The following PARD3 variants were observed in gnomAD, a reference collection of about 807,000 sequenced individuals.
PARD3 encodes the protein par-3 family cell polarity regulator.
Under a neutral mutation model 155.4 loss-of-function variants are expected in PARD3, and 75 were observed. The observed-to-expected ratio is 0.48, with a 90% CI of 0.40 to 0.58. The LOEUF is 0.58. PARD3 is among the 20% of genes least tolerant of loss of function. The pLI is 0.00. For missense variants in PARD3, 1,642 were observed against 1,721.7 expected, an observed-to-expected ratio of 0.95 and a Z score of 0.82; for synonymous variants, 576 against 610.5, an observed-to-expected ratio of 0.94 and a Z score of 0.83.
At chr10:34,135,211 T>C (rs1300702819) in intron 22 of PARD3, among the ~76,000 whole-genome samples, 2 of 152,212 alleles carry the variant, frequency 1.3e-5, no homozygotes, top group Admixed American at 6.5e-5. Flanking sequence ...ATACTTTCTG[T>C]ATAAAACATC....
chr10:34,458,743 TG>T (rs1402755121), intron 4 of PARD3, among the ~76,000 whole-genome samples: 1 of 152,162 alleles, frequency 6.6e-6, no homozygotes, highest in African/African-American at 2.4e-5. Flanking sequence ...ACAAAAATGT[TG>T]TCCACTCTTA....
intron 5 of PARD3, among the ~76,000 whole-genome samples, chr10:34,437,166 C>G (rs1394326832): frequency 6.6e-6 from 1 of 152,060 alleles, no homozygotes; most frequent in Non-Finnish European, 1.5e-5. Context: ...AATCCTGTGT[C>G]TCATACAGAA....
intron 1 of PARD3, among the ~76,000 whole-genome samples, chr10:34,772,589 C>T (rs955670363): frequency 2.0e-5 from 3 of 151,404 alleles, no homozygotes; most frequent in African/African-American, 7.3e-5. Context: ...CTCAGGAGTT[C>T]GAGACCAGCC....
At chr10:34,449,047 T>C (rs1435843856) in intron 5 of PARD3, among the ~76,000 whole-genome samples, 1 of 150,298 alleles carries the variant, frequency 6.7e-6, no homozygotes, top group African/African-American at 2.5e-5. Flanking sequence ...GCCTCCCCAG[T>C]AGCTGGAACT....
intron 23 of PARD3, among the ~76,000 whole-genome samples, chr10:34,127,043 A>G (rs1057455635): frequency 3.9e-5 from 6 of 152,206 alleles, no homozygotes; most frequent in Non-Finnish European, 5.9e-5. Flanking sequence ...AGATTTTTTC[A>G]AACATTTTCC....
chr10:34,756,150 CTTTTTTTT>C (rs58993670), intron 1 of PARD3, among the ~76,000 whole-genome samples: 1 of 94,544 alleles, frequency 1.1e-5, no homozygotes, highest in Admixed American at 1.5e-4. Context: ...AAAAATGCAC[CTTTTTTTT>C]TTTTTTTTTT....
intron 22 of PARD3, among the ~76,000 whole-genome samples, chr10:34,197,624 C>T (rs1391621087): frequency 6.6e-6 from 1 of 152,210 alleles, no homozygotes; most frequent in Non-Finnish European, 1.5e-5. Flanking sequence ...ATTCAGGCCT[C>T]CAGGTTACCT....
At chr10:34,301,201 A>C (rs1235928180) in intron 20 of PARD3, among the ~76,000 whole-genome samples, 1 of 152,156 alleles carries the variant, frequency 6.6e-6, no homozygotes, top group Non-Finnish European at 1.5e-5. Context: ...CACCTGCATC[A>C]TATAGAAATA....
At chr10:34,642,013 G>A (rs1296415871) in intron 2 of PARD3, among the ~76,000 whole-genome samples, 1 of 152,114 alleles carries the variant, frequency 6.6e-6, no homozygotes, top group Non-Finnish European at 1.5e-5. Flanking sequence ...CCGAGGGGTA[G>A]CACTGGGACA....
intron 2 of PARD3, among the ~76,000 whole-genome samples, chr10:34,558,646 G>T (rs924115874): frequency 6.6e-6 from 1 of 152,090 alleles, no homozygotes; most frequent in Non-Finnish European, 1.5e-5. Flanking sequence ...AATGCACACT[G>T]CCGGCCTGGT....
chr10:34,777,480 T>C (rs1276867909), intron 1 of PARD3, among the ~76,000 whole-genome samples: 1 of 152,210 alleles, frequency 6.6e-6, no homozygotes, highest in Non-Finnish European at 1.5e-5. Context: ...AGGGGGCTCT[T>C]AGAGGGCATC....
rs114109948 is a variant in PARD3, at chr10:34,324,298, C to T, written c.2833+6819G>A. Among the ~76,000 whole-genome samples, 652 of 152,166 alleles carry T rather than the reference C, an allele frequency of 4.3e-3. 7 individuals carry two copies. The highest frequency in any genetic ancestry group is 0.015 in the African/African-American group (615 of 41,518). On this transcript the variant is annotated intron_variant, in intron 19 of 24. Transcript: ENST00000374788. ...GAAACATAATCTATATTGAGTGATC[C>T]GCAAAAATTTCCTGATGTTAAAAAA... is the stretch of plus-strand genomic sequence containing the variant.
At chr10:34,142,564 A>G (rs1407533226) in intron 22 of PARD3, among the ~76,000 whole-genome samples, 3 of 148,470 alleles carry the variant, frequency 2.0e-5, no homozygotes, top group African/African-American at 4.9e-5. Flanking sequence ...GAAAAGAAAC[A>G]AGGGAAAGGA....
chr10:34,318,558 A>G (rs1221271429), intron 19 of PARD3, among the ~76,000 whole-genome samples: 4 of 152,160 alleles, frequency 2.6e-5, no homozygotes, highest in African/African-American at 9.7e-5. Flanking sequence ...AGCAAGGAGC[A>G]CTTTCAATAG....
At position 34,269,735 on chromosome 10, in the gene PARD3, G is replaced by T. The variant is rs1357640818; in HGVS notation, c.3341C>A (p.Pro1114Gln). 2.5e-6 allele frequency: 4 copies of T among 1,613,936 alleles called. No individual in the cohort carries two copies. The highest frequency in any genetic ancestry group is 3.4e-6 in the Non-Finnish European group (4 of 1,179,930). The change falls in exon 22 of 25, where the codon CCA (proline) becomes CAA (glutamine). Residue 1114 changes from proline (P) to glutamine (Q), a missense_variant. By Grantham distance (76) the Pro-to-Gln change is moderately conservative. Transcript: ENST00000374788. ...AGCATCCATCATATGCCCTTCTCGTGGGCTCTGAGGTCTAGCGTTGAGAGC... is the reference window on the plus strand; with the variant it reads ...AGCATCCATCATATGCCCTTCTCGTTGGCTCTGAGGTCTAGCGTTGAGAGC... ...SMALNARPQS[P>Q]REGHMMDALY...
At chr10:34,382,983 G>A (rs1480172911) in intron 8 of PARD3, 61 bp from the exon 9 acceptor site, 2 of 1,556,832 alleles carry the variant, frequency 1.3e-6, no homozygotes, top group East Asian at 2.2e-5. Flanking sequence ...AAGATATTAT[G>A]AGCTTAATTA....
In PARD3 at chr10:34,131,116, A is replaced by C. The variant is rs74674702; in HGVS notation, c.3540+347T>G. ...TTGTACATTACAGGCACAATGGAGA[A>C]GTGCTGAACAAATTAATTTTGGCTC... On this transcript the variant is annotated intron_variant, in intron 23 of 24. Transcript: ENST00000374788. 1.6e-4 allele frequency among the ~76,000 whole-genome samples: 24 copies of C among 152,364 alleles called. No individual in the cohort carries two copies. In the East Asian group the frequency reaches 4.4e-3, roughly 28 times the overall value.
intron 4 of PARD3, among the ~76,000 whole-genome samples, chr10:34,459,292 G>A (rs1325486060): frequency 6.6e-6 from 1 of 152,040 alleles, no homozygotes; most frequent in Non-Finnish European, 1.5e-5. Flanking sequence ...TCAGCCTCCA[G>A]CACAGCTGGG....
At chr10:34,811,274 C>G (rs1405434632) in intron 1 of PARD3, among the ~76,000 whole-genome samples, 3 of 152,184 alleles carry the variant, frequency 2.0e-5, no homozygotes, top group Non-Finnish European at 2.9e-5. Context: ...GGCATTCTGT[C>G]CTCCTCAGTT....
Sources: gnomAD v4.1 joint callset for allele counts (sites outside exome capture counted in the v4.1 genomes callset) on GRCh38, gnomAD v4.1.1 for gene constraint, MANE v1.5 for transcripts, NCBI Gene and HGNC (gene_info 2026-07-23, HGNC 2026-07-21) for gene names.